BNC2: variants seen among roughly 807,000 people sequenced by gnomAD.
The protein encoded by BNC2 is basonuclin zinc finger protein 2, also known as zinc finger protein basonuclin-2.
BNC2 carries 20 observed loss-of-function variants against 76.3 expected under a neutral mutation model. The observed-to-expected ratio is 0.26, with a 90% CI of 0.18 to 0.38. The LOEUF is 0.38. Ranked by LOEUF, BNC2 falls within the 10% of genes least tolerant of loss-of-function variation. The pLI is 1.00. For synonymous variants in BNC2, 582 were observed against 514.8 expected (o/e 1.13, Z -1.77); for missense variants, 1,382 against 1,399.8 (o/e 0.99, Z 0.20).
intron 1 of BNC2, among the ~76,000 whole-genome samples, chr9:16,835,612 G>C (rs1330399108): frequency 6.6e-6 from 1 of 152,214 alleles, no homozygotes; most frequent in East Asian, 1.9e-4. Context: ...GAGGCAAGGA[G>C]AATCACTTGA....
chr9:16,839,999 A>G (rs1220890952), intron 1 of BNC2, among the ~76,000 whole-genome samples: 4 of 152,162 alleles, frequency 2.6e-5, no homozygotes, highest in Non-Finnish European at 4.4e-5. Context: ...GCCTTTACCA[A>G]TCTATCAATA....
chr9:16,751,750 G>C (rs113810906), intron 1 of BNC2, among the ~76,000 whole-genome samples: 3,306 of 151,588 alleles, frequency 0.022, 116 homozygotes, highest in African/African-American at 0.075. Context: ...ATTATTTTCA[G>C]CCAGGCGCAG....
At chr9:16,545,860 A>G (rs982974298) in intron 5 of BNC2, among the ~76,000 whole-genome samples, 1 of 152,220 alleles carries the variant, frequency 6.6e-6, no homozygotes, top group African/African-American at 2.4e-5. Flanking sequence ...AGAAAATGGC[A>G]GAGCCATAAA....
intron 1 of BNC2, among the ~76,000 whole-genome samples, chr9:16,807,204 C>G (rs1817936853): frequency 6.6e-6 from 1 of 152,166 alleles, no homozygotes; most frequent in African/African-American, 2.4e-5. Context: ...AATAAAAAGT[C>G]AGTGTCAACA....
At chr9:16,813,467 G>A (rs904731706) in intron 1 of BNC2, among the ~76,000 whole-genome samples, 4 of 151,822 alleles carry the variant, frequency 2.6e-5, no homozygotes, top group Non-Finnish European at 4.4e-5. Context: ...GGGTTTCACC[G>A]TGTTAGCCAG....
intron 5 of BNC2, among the ~76,000 whole-genome samples, chr9:16,503,205 C>A (rs1332048417): frequency 3.3e-5 from 5 of 152,194 alleles, no homozygotes; most frequent in Admixed American, 2.6e-4. Flanking sequence ...CCCCCTCCCA[C>A]AATTTTGTCC....
intron 3 of BNC2, among the ~76,000 whole-genome samples, chr9:16,636,406 G>A (rs778315590): frequency 5.3e-5 from 8 of 151,932 alleles, no homozygotes; most frequent in Non-Finnish European, 2.9e-5. Flanking sequence ...GGACTCAAGC[G>A]ATCCTCTCAC....
intron 5 of BNC2, 124 bp from the exon 6 acceptor site, chr9:16,437,648 C>T: frequency 8.8e-7 from 1 of 1,132,044 alleles, no homozygotes; most frequent in Non-Finnish European, 1.2e-6. Context: ...CAGAAAACAA[C>T]ATGCAAGCAC....
intron 5 of BNC2, among the ~76,000 whole-genome samples, chr9:16,537,468 T>C (rs914014346): frequency 3.9e-5 from 6 of 152,158 alleles, no homozygotes; most frequent in African/African-American, 1.4e-4. Flanking sequence ...AGTTATGTAA[T>C]ATTTACCAAG....
At chr9:16,537,452 C>T (rs535552228) in intron 5 of BNC2, among the ~76,000 whole-genome samples, 1 of 152,188 alleles carries the variant, frequency 6.6e-6, no homozygotes, top group Non-Finnish European at 1.5e-5. Flanking sequence ...CCAAGCCCTC[C>T]TCAATAGTTA....
At chr9:16,478,907 G>A (rs1309152438) in intron 5 of BNC2, among the ~76,000 whole-genome samples, 2 of 152,126 alleles carry the variant, frequency 1.3e-5, no homozygotes, top group Non-Finnish European at 2.9e-5. Context: ...TGACCAATAA[G>A]CAAATGGGAC....
intron 3 of BNC2, among the ~76,000 whole-genome samples, chr9:16,618,591 A>T (rs1318581321): frequency 3.3e-5 from 5 of 152,212 alleles, no homozygotes; most frequent in Non-Finnish European, 5.9e-5. Flanking sequence ...AATATACCCT[A>T]GGATAAAAGA....
chr9:16,762,069 T>C (rs1019251741), intron 1 of BNC2, among the ~76,000 whole-genome samples: 1 of 152,164 alleles, frequency 6.6e-6, no homozygotes, highest in Non-Finnish European at 1.5e-5. Context: ...AAGGACAGGG[T>C]AGGTTACTTT....
chr9:16,857,833 T>C (rs1819301718), intron 1 of BNC2, among the ~76,000 whole-genome samples: 1 of 152,238 alleles, frequency 6.6e-6, no homozygotes, highest in Admixed American at 6.5e-5. Context: ...TTTATTAGCA[T>C]GAATAAAGAG....
intron 6 of BNC2, among the ~76,000 whole-genome samples, chr9:16,433,959 C>T (rs1447927244): frequency 6.6e-6 from 1 of 152,112 alleles, no homozygotes; most frequent in East Asian, 1.9e-4. Flanking sequence ...ATATTACTGA[C>T]AACTTGGAGG....
At chr9:16,522,634 T>G (rs1817653841) in intron 5 of BNC2, among the ~76,000 whole-genome samples, 1 of 152,184 alleles carries the variant, frequency 6.6e-6, no homozygotes, top group African/African-American at 2.4e-5. Flanking sequence ...TTCGTGTTTT[T>G]TAAGGTTTGA....
chr9:16,510,016 C>A (rs1331778645), intron 5 of BNC2, among the ~76,000 whole-genome samples: 1 of 152,178 alleles, frequency 6.6e-6, no homozygotes, highest in Non-Finnish European at 1.5e-5. Context: ...TGGTGTCTAG[C>A]AAATGGCTAA....
chr9:16,422,085 T>C (rs982344651), intron 6 of BNC2, among the ~76,000 whole-genome samples: 1 of 152,216 alleles, frequency 6.6e-6, no homozygotes, highest in African/African-American at 2.4e-5. Context: ...ATCACCCAGA[T>C]GGACACATCT....
intron 5 of BNC2, among the ~76,000 whole-genome samples, chr9:16,463,041 G>A (rs1043955541): frequency 6.6e-6 from 1 of 151,922 alleles, no homozygotes; most frequent in Non-Finnish European, 1.5e-5. Flanking sequence ...TTACTCCACT[G>A]GCCTCTCTCT....
Sources: allele counts gnomAD v4.1 joint callset (sites outside exome capture counted in the v4.1 genomes callset), GRCh38; gene constraint gnomAD v4.1.1; transcripts MANE v1.5; gene names NCBI Gene and HGNC (gene_info 2026-07-23, HGNC 2026-07-21).